The following EDNRA variants were observed in gnomAD, a reference collection of about 807,000 sequenced individuals.
EDNRA encodes the protein endothelin receptor type A.
A neutral mutation model predicts 41.4 loss-of-function variants in EDNRA; 11 were observed. The observed-to-expected ratio is 0.27, with a 90% CI of 0.17 to 0.44. The LOEUF (loss-of-function observed/expected upper bound fraction) is 0.44. EDNRA is among the 20% of genes least tolerant of loss of function. The pLI, the probability that EDNRA is intolerant of heterozygous loss-of-function variation, is 1.00. For synonymous variants in EDNRA, 172 were observed against 183.0 expected (o/e 0.94, Z 0.49); for missense variants, 294 against 531.0 (o/e 0.55, Z 4.39).
Position 147,504,438 on chromosome 4 carries a change from A to G in EDNRA, c.421-15413A>G, listed in dbSNP as rs764277962. Among the ~76,000 whole-genome samples, 79 of 152,088 alleles carry G rather than the reference A, an allele frequency of 5.2e-4. 1 individual carries two copies. The highest frequency in any genetic ancestry group is 8.5e-4 in the Non-Finnish European group (58 of 68,038). On this transcript the variant is annotated intron_variant, in intron 2 of 7. Transcript: ENST00000651419. Reference sequence around the variant, plus strand: ...ATGTTGCCTTATTTAATTACATAATATCAAAAAACTACATTCGTTAATATC... The same window carrying G: ...ATGTTGCCTTATTTAATTACATAATGTCAAAAAACTACATTCGTTAATATC...
intron 2 of EDNRA, chr4:147,506,214 A>G: frequency 5.7e-6 from 3 of 522,502 alleles, no homozygotes; most frequent in South Asian, 4.2e-5. Flanking sequence ...AGATCTTGCA[A>G]ATATTCATGA....
At position 147,540,618 on chromosome 4, in the gene EDNRA, T is replaced by C. The variant is rs2884341; in HGVS notation, c.1143+133T>C. 2.4e-3 allele frequency: 1,484 copies of C among 621,900 alleles called. 15 individuals carry two copies. The African/African-American group carries it at 0.025, about 10-fold the overall frequency. 38.5% of individuals were successfully genotyped at this position (621,900 alleles called of 1,614,324 possible). Reference sequence around the variant, plus strand: ...CTTTTTAGCAGTGAAGTGAAAATCATGTTTTATTACCCAGAAAGAGAGTCA... The same window carrying C: ...CTTTTTAGCAGTGAAGTGAAAATCACGTTTTATTACCCAGAAAGAGAGTCA... On this transcript the variant is annotated intron_variant, in intron 7 of 7. Transcript: ENST00000651419.
chr4:147,521,609 A>G (rs1250586807), intron 3 of EDNRA, among the ~76,000 whole-genome samples: 3 of 152,212 alleles, frequency 2.0e-5, no homozygotes, highest in East Asian at 1.9e-4. Flanking sequence ...TCTTTCATTC[A>G]AAATGTTATA....
chr4:147,536,366 T>G (rs991988729), intron 5 of EDNRA, among the ~76,000 whole-genome samples: 22 of 152,180 alleles, frequency 1.4e-4, no homozygotes, highest in African/African-American at 4.6e-4. Context: ...TTTCTCCCCA[T>G]GCAGATTTAC....
At chr4:147,481,411 T>TG (rs1267901308) in intron 1 of EDNRA, 35 bp downstream of exon 1, 2 of 152,530 alleles carry the variant, frequency 1.3e-5, no homozygotes, top group African/African-American at 4.8e-5. Context: ...GGACTGGGAC[T>TG]GGGGCGGGTG....
chr4:147,534,227 G>T (rs1024559297), intron 4 of EDNRA, among the ~76,000 whole-genome samples: 1 of 152,140 alleles, frequency 6.6e-6, no homozygotes, highest in African/African-American at 2.4e-5. Context: ...GGAAAAAGAG[G>T]ATACAAAAGA....
chr4:147,512,588 G>A (rs1578795717), intron 2 of EDNRA, among the ~76,000 whole-genome samples: 1 of 152,182 alleles, frequency 6.6e-6, no homozygotes, highest in East Asian at 1.9e-4. Context: ...TATAGATCAG[G>A]CCCTGCTGTA....
At chr4:147,487,055 C>T (rs1344300548) in intron 2 of EDNRA, among the ~76,000 whole-genome samples, 1 of 152,022 alleles carries the variant, frequency 6.6e-6, no homozygotes, top group African/African-American at 2.4e-5. Flanking sequence ...GGTGCAGGCA[C>T]GTAACATGGC....
rs187015146 is a variant in EDNRA, at chr4:147,534,592, A to T, written c.748-1285A>T. Among the ~76,000 whole-genome samples, 3 of 152,352 alleles carry T rather than the reference A, an allele frequency of 2.0e-5. No individual in the cohort carries two copies. The East Asian group carries it at 5.8e-4, about 29-fold the overall frequency. On this transcript the variant is annotated intron_variant, in intron 4 of 7. Coordinates refer to ENST00000651419, the MANE Select transcript of EDNRA (RefSeq NM_001957.4). ...TAAAAATAGCAGACATTTTCATACG[A>T]TATAACACTTGTATAATCTCAAAAT... is the stretch of plus-strand genomic sequence containing the variant.
chr4:147,521,535 G>T (rs1730321332), intron 3 of EDNRA, among the ~76,000 whole-genome samples: 1 of 152,110 alleles, frequency 6.6e-6, no homozygotes. Flanking sequence ...TTATGATGTG[G>T]ATTTGATTCA....
intron 2 of EDNRA, among the ~76,000 whole-genome samples, chr4:147,505,215 A>G (rs1018127333): frequency 1.1e-4 from 15 of 134,632 alleles, no homozygotes; most frequent in East Asian, 6.1e-4. Flanking sequence ...AAAAAAAAAA[A>G]AGAGAGAGAG....
At position 147,522,166 on chromosome 4, in the gene EDNRA, A is replaced by C. The variant is rs1033537110; in HGVS notation, c.548+2188A>C. ...AAAAGCATGTTAAAGTCTTCTGTAC[A>C]TATCAATAATAATATTTATAATTAT... On this transcript the variant is annotated intron_variant, in intron 3 of 7. Coordinates refer to ENST00000651419, the MANE Select transcript of EDNRA (RefSeq NM_001957.4). Among the ~76,000 whole-genome samples the C allele has an allele frequency of 2.6e-5, 4 of 152,210 alleles. No homozygotes were observed. In the East Asian group the frequency reaches 5.8e-4, roughly 22 times the overall value.
chr4:147,499,797 CTTTTTTTTTT>C (rs58464606), intron 2 of EDNRA, among the ~76,000 whole-genome samples: 1 of 85,350 alleles, frequency 1.2e-5, no homozygotes, highest in Admixed American at 1.6e-4. Flanking sequence ...CTCTAAAAGT[CTTTTTTTTTT>C]TTTTTTTTTT....
intron 2 of EDNRA, among the ~76,000 whole-genome samples, chr4:147,505,426 G>A (rs1280386176): frequency 1.7e-4 from 22 of 130,406 alleles, no homozygotes; most frequent in African/African-American, 6.0e-4. Flanking sequence ...TGCAACCTCC[G>A]CCTCCCAGGT....
At chr4:147,524,897 C>CT (rs1730478280) in intron 3 of EDNRA, among the ~76,000 whole-genome samples, 1 of 148,508 alleles carries the variant, frequency 6.7e-6, no homozygotes, top group South Asian at 2.1e-4. Context: ...TCTACTACTA[C>CT]AAAAAAAAAT....
chr4:147,525,801 T>G (rs2126460951), intron 3 of EDNRA, among the ~76,000 whole-genome samples: 1 of 152,350 alleles, frequency 6.6e-6, no homozygotes, highest in East Asian at 1.9e-4. Context: ...GATGTGTTAT[T>G]AGATACTTGG....
chr4:147,536,119 C>A (rs1317386605), intron 5 of EDNRA, 90 bp downstream of exon 5: 22 of 1,404,622 alleles, frequency 1.6e-5, no homozygotes, highest in Non-Finnish European at 2.0e-5. Context: ...GTAGAATTAG[C>A]CTGATTTCCT....
chr4:147,510,165 C>T (rs776005144), intron 2 of EDNRA, among the ~76,000 whole-genome samples: 11 of 152,134 alleles, frequency 7.2e-5, no homozygotes, highest in Non-Finnish European at 1.0e-4. Flanking sequence ...GCATGTGGAA[C>T]AATGTATCTA....
rs1728750163 is a variant in EDNRA at position 147,481,389 on chromosome 4, C to G, written c.-71+13C>G. 1.3e-5 allele frequency: 2 copies of G among 152,472 alleles called. No individual in the cohort carries two copies. Among genetic ancestry groups the G allele is most frequent in the South Asian group, 4.1e-4 (2 of 4,852 alleles). 9.4% of individuals were successfully genotyped at this position (152,472 alleles called of 1,614,324 possible). A position where few individuals can be genotyped will look rare whatever the true frequency, so the allele number is the denominator to read the frequency against. The stretch of plus-strand genomic sequence containing the variant: ...GCCGAGCTCCACGGTCGGTGCAAGT[C>G]TTTCTTATCGGGGACTGGGACTGGG... On this transcript the variant is annotated intron_variant, in intron 1 of 7. Transcript: ENST00000651419.
Sources: gnomAD v4.1 joint callset for allele counts (sites outside exome capture counted in the v4.1 genomes callset) on GRCh38, gnomAD v4.1.1 for gene constraint, MANE v1.5 for transcripts, NCBI Gene and HGNC (gene_info 2026-07-23, HGNC 2026-07-21) for gene names.